RBFOX1: variants seen among roughly 807,000 people sequenced by gnomAD.
The protein encoded by RBFOX1 is RNA binding protein fox-1 homolog 1.
RBFOX1 carries 8 observed loss-of-function variants against 57.7 expected under a neutral mutation model. The observed-to-expected ratio is 0.14, with a 90% CI of 0.08 to 0.25. The LOEUF is 0.25. RBFOX1 is among the 10% of genes least tolerant of loss of function. The probability of loss-of-function intolerance (pLI) is 1.00; values close to 1 mark genes in which losing one functional copy is unlikely to be tolerated. For missense variants in RBFOX1, 611 were observed against 548.5 expected (o/e 1.11, Z -1.14); for synonymous variants, 326 against 222.4 (o/e 1.47, Z -4.15).
intron 4 of RBFOX1, among the ~76,000 whole-genome samples, chr16:7,203,635 C>T (rs904090047): frequency 6.6e-6 from 1 of 152,232 alleles, no homozygotes. Context: ...CAGCTTTGTC[C>T]ATGCTTCTCA....
intron 3 of RBFOX1, among the ~76,000 whole-genome samples, chr16:6,762,857 T>C (rs2154200108): frequency 6.6e-6 from 1 of 152,098 alleles, no homozygotes; most frequent in South Asian, 2.1e-4. Context: ...TCAAAGGAGG[T>C]ACCTCTCCTT....
intron 2 of RBFOX1, among the ~76,000 whole-genome samples, chr16:6,593,227 C>G (rs1473201436): frequency 6.6e-6 from 1 of 152,078 alleles, no homozygotes; most frequent in East Asian, 1.9e-4. Flanking sequence ...GGAGATCACC[C>G]TCTTCCACGT....
intron 2 of RBFOX1, among the ~76,000 whole-genome samples, chr16:5,558,231 G>T (rs1385582089): frequency 2.0e-5 from 3 of 152,196 alleles, no homozygotes; most frequent in Non-Finnish European, 4.4e-5. Context: ...CCGAGGGTCT[G>T]TTGAGCTGAT....
At chr16:7,527,524 G>T (rs888986942) in intron 5 of RBFOX1, among the ~76,000 whole-genome samples, 1 of 151,762 alleles carries the variant, frequency 6.6e-6, no homozygotes, top group African/African-American at 2.4e-5. Context: ...TATGACAGGT[G>T]AAAAAAAATG....
intron 4 of RBFOX1, among the ~76,000 whole-genome samples, chr16:7,378,573 A>T (rs1429567210): frequency 6.6e-6 from 1 of 152,180 alleles, no homozygotes. Context: ...GGATGCATTT[A>T]ATCTGGGACA....
chr16:6,535,715 C>G (rs958159779), intron 2 of RBFOX1, among the ~76,000 whole-genome samples: 1 of 152,194 alleles, frequency 6.6e-6, no homozygotes, highest in Non-Finnish European at 1.5e-5. Context: ...CACAGCCCTT[C>G]GAGCAAGGGC....
At chr16:7,059,906 T>A (rs750116942) in intron 4 of RBFOX1, among the ~76,000 whole-genome samples, 6 of 152,296 alleles carry the variant, frequency 3.9e-5, no homozygotes, top group Admixed American at 6.5e-5. Flanking sequence ...GCTGTTTCTA[T>A]GAAAACTAAA....
At chr16:5,934,104 C>G (rs371460469) in intron 4 of RBFOX1, among the ~76,000 whole-genome samples, 22 of 152,346 alleles carry the variant, frequency 1.4e-4, no homozygotes, top group African/African-American at 5.3e-4. Context: ...ATCCATGTTC[C>G]TGCCACAAGG....
intron 4 of RBFOX1, among the ~76,000 whole-genome samples, chr16:7,227,955 G>C (rs901079815): frequency 6.6e-6 from 1 of 152,132 alleles, no homozygotes; most frequent in African/African-American, 2.4e-5. Flanking sequence ...CGGTGAGGAG[G>C]CCACCCTGTG....
At chr16:7,213,144 C>A (rs540130762) in intron 4 of RBFOX1, among the ~76,000 whole-genome samples, 1 of 152,046 alleles carries the variant, frequency 6.6e-6, no homozygotes, top group African/African-American at 2.4e-5. Flanking sequence ...CCCTGAAGCC[C>A]GAACTCCCTA....
chr16:6,417,105 G>A (rs553688113), intron 2 of RBFOX1, among the ~76,000 whole-genome samples: 26 of 152,144 alleles, frequency 1.7e-4, no homozygotes, highest in Middle Eastern at 3.4e-3. Flanking sequence ...TCTGCCTCCC[G>A]GGTTCAAGCG....
At chr16:6,242,284 C>G (rs1376938456) in intron 1 of RBFOX1, among the ~76,000 whole-genome samples, 2 of 152,114 alleles carry the variant, frequency 1.3e-5, no homozygotes, top group Non-Finnish European at 2.9e-5. Context: ...AGCTCACTGC[C>G]TTTGCTACTT....
chr16:7,094,098 T>C (rs1218265671), intron 4 of RBFOX1, among the ~76,000 whole-genome samples: 3 of 150,980 alleles, frequency 2.0e-5, no homozygotes, highest in Non-Finnish European at 4.4e-5. Context: ...ATAGCCCTTC[T>C]CTTCTTCATT....
chr16:6,792,608 C>T (rs1407581935), intron 3 of RBFOX1, among the ~76,000 whole-genome samples: 1 of 152,216 alleles, frequency 6.6e-6, no homozygotes, highest in East Asian at 1.9e-4. Context: ...GTCAGGGTTG[C>T]AAAAAGCCTT....
intron 1 of RBFOX1, among the ~76,000 whole-genome samples, chr16:5,462,445 G>A (rs1265732411): frequency 6.6e-6 from 1 of 152,074 alleles, no homozygotes; most frequent in African/African-American, 2.4e-5. Flanking sequence ...TGGGATTACA[G>A]GCGTGAGCCA....
rs532724452 is a variant in RBFOX1, at chr16:6,575,115, C to T, written c.-63-79488C>T. On this transcript the variant is annotated intron_variant, in intron 2 of 15. Transcript: ENST00000550418. ...TGCTTTGAGACATGGCCTGGGGTCT[C>T]CCCGCAAGGCGACAGGACAGATTAC... Among the ~76,000 whole-genome samples, 25 of 151,654 alleles carry T rather than the reference C, an allele frequency of 1.6e-4. No homozygotes were observed. The South Asian group carries it at 1.7e-3, about 10-fold the overall frequency.
chr16:5,829,281 T>C (rs1364195455), intron 3 of RBFOX1, among the ~76,000 whole-genome samples: 1 of 152,110 alleles, frequency 6.6e-6, no homozygotes, highest in Non-Finnish European at 1.5e-5. Context: ...TCCTGAATGC[T>C]AAGGGAAGTT....
intron 3 of RBFOX1, among the ~76,000 whole-genome samples, chr16:6,950,855 C>G (rs1296445114): frequency 2.6e-5 from 4 of 151,824 alleles, no homozygotes; most frequent in African/African-American, 9.7e-5. Flanking sequence ...TTCTTTCTTT[C>G]TCTGTTTTTG....
chr16:7,267,779 C>T (rs188030177), intron 4 of RBFOX1, among the ~76,000 whole-genome samples: 7 of 152,164 alleles, frequency 4.6e-5, no homozygotes, highest in African/African-American at 1.7e-4. Flanking sequence ...TTTCTGGAAC[C>T]TGGGAGGCGG....
Sources: allele counts gnomAD v4.1 joint callset (sites outside exome capture counted in the v4.1 genomes callset), GRCh38; gene constraint gnomAD v4.1.1; transcripts MANE v1.5; gene names NCBI Gene and HGNC (gene_info 2026-07-23, HGNC 2026-07-21).